Variants in SLIT3 observed in about 807,000 individuals in gnomAD.
The protein encoded by SLIT3 is slit homolog 3 protein.
Under a neutral mutation model 184.0 loss-of-function variants are expected in SLIT3, and 68 were observed. That is an observed-to-expected ratio of 0.37 (90% CI 0.30 to 0.45). The LOEUF is 0.45. SLIT3 is among the 20% of genes least tolerant of loss of function. The probability of loss-of-function intolerance (pLI) is 1.00; values close to 1 mark genes in which losing one functional copy is unlikely to be tolerated. For missense variants in SLIT3, 1,707 were observed against 2,026.0 expected (o/e 0.84, Z 3.02); for synonymous variants, 831 against 828.6 (o/e 1.00, Z -0.05).
chr5:168,897,587 GAC>G (rs1393870588), intron 4 of SLIT3, among the ~76,000 whole-genome samples: 1 of 149,200 alleles, frequency 6.7e-6, no homozygotes, highest in Non-Finnish European at 1.5e-5. Context: ...GAAAGGAAGA[GAC>G]ACACAGAGAA....
intron 4 of SLIT3, among the ~76,000 whole-genome samples, chr5:168,974,022 T>G (rs1232665758): frequency 6.6e-6 from 1 of 152,220 alleles, no homozygotes. Context: ...ATTCTCGTGT[T>G]GTTTGGAACA....
intron 4 of SLIT3, among the ~76,000 whole-genome samples, chr5:169,166,068 C>T (rs1762628283): frequency 6.6e-6 from 1 of 152,154 alleles, no homozygotes; most frequent in South Asian, 2.1e-4. Flanking sequence ...CAAGGTCACA[C>T]AGTAAAGATC....
chr5:168,775,559 G>A lies in SLIT3; in HGVS notation c.1152-1181C>T, dbSNP rs563115544. ...GTTTATTTCCCTCCTGGCACTCATC[G>A]CAATTTGTGATTATAGGATATCTAC... On this transcript the variant is annotated intron_variant, in intron 12 of 35. Coordinates refer to ENST00000519560, the MANE Select transcript of SLIT3 (RefSeq NM_003062.4). Among the ~76,000 whole-genome samples, 20 of 152,112 alleles carry A rather than the reference G, an allele frequency of 1.3e-4. No homozygotes were observed. The South Asian group carries it at 3.5e-3, about 27-fold the overall frequency.
chr5:168,702,314 C>T (rs1189972501), intron 26 of SLIT3, among the ~76,000 whole-genome samples: 1 of 152,186 alleles, frequency 6.6e-6, no homozygotes, highest in Non-Finnish European at 1.5e-5. Context: ...TGTTATTACA[C>T]TATTTTTACA....
intron 16 of SLIT3, among the ~76,000 whole-genome samples, chr5:168,759,369 A>G (rs73308213): frequency 0.081 from 12,287 of 152,288 alleles, 864 homozygotes; most frequent in African/African-American, 0.18. Flanking sequence ...TGGCTGATCC[A>G]TAATGTTGAA....
chr5:168,927,959 T>C (rs1467853275), intron 4 of SLIT3, among the ~76,000 whole-genome samples: 4 of 152,252 alleles, frequency 2.6e-5, no homozygotes, highest in African/African-American at 4.8e-5. Context: ...CTGCTTTATC[T>C]GGCTTAGTTT....
chr5:169,220,044 A>T (rs1764570205), intron 3 of SLIT3, among the ~76,000 whole-genome samples: 1 of 152,062 alleles, frequency 6.6e-6, no homozygotes, highest in South Asian at 2.1e-4. Flanking sequence ...AATGATGGGG[A>T]TCCTGTCCCA....
chr5:169,117,737 C>T (rs1443524985), intron 4 of SLIT3, among the ~76,000 whole-genome samples: 3 of 152,174 alleles, frequency 2.0e-5, no homozygotes, highest in African/African-American at 7.2e-5. Context: ...CCCTGCGACC[C>T]AAAGGGGTCT....
At chr5:169,226,348 C>G (rs563830489) in intron 3 of SLIT3, among the ~76,000 whole-genome samples, 2 of 152,026 alleles carry the variant, frequency 1.3e-5, no homozygotes, top group Non-Finnish European at 2.9e-5. Context: ...CTTTTCTTCC[C>G]CTGACCCTTC....
At chr5:168,866,816 G>A (rs567032588) in intron 5 of SLIT3, among the ~76,000 whole-genome samples, 7 of 152,318 alleles carry the variant, frequency 4.6e-5, no homozygotes, top group African/African-American at 1.7e-4. Context: ...AATGATATAA[G>A]AATAATAATT....
intron 4 of SLIT3, among the ~76,000 whole-genome samples, chr5:168,907,979 T>TATATAGAGAGAGAG (rs376418381): frequency 2.4e-3 from 119 of 50,034 alleles, no homozygotes; most frequent in Non-Finnish European, 3.1e-3. Flanking sequence ...TATATATATA[T>TATATAGAGAGAGAG]AGAGAGAGAG....
chr5:168,838,898 A>G (rs1758147999), intron 6 of SLIT3, among the ~76,000 whole-genome samples: 1 of 152,094 alleles, frequency 6.6e-6, no homozygotes, highest in African/African-American at 2.4e-5. Context: ...TCTCCTCTCT[A>G]AACGTGGGCT....
intron 5 of SLIT3, among the ~76,000 whole-genome samples, chr5:168,852,819 T>C (rs990569614): frequency 6.6e-6 from 1 of 152,224 alleles, no homozygotes; most frequent in Non-Finnish European, 1.5e-5. Context: ...CCCCTCAGTC[T>C]CAGTTGTAAA....
At chr5:168,884,268 C>G (rs968466321) in intron 4 of SLIT3, among the ~76,000 whole-genome samples, 1 of 151,730 alleles carries the variant, frequency 6.6e-6, no homozygotes, top group Non-Finnish European at 1.5e-5. Flanking sequence ...GCAAAACACT[C>G]ATGCCAGGCC....
intron 4 of SLIT3, among the ~76,000 whole-genome samples, chr5:169,145,578 G>T (rs891799323): frequency 1.3e-5 from 2 of 152,162 alleles, no homozygotes; most frequent in African/African-American, 4.8e-5. Flanking sequence ...CTTGTCACCC[G>T]TTAACAGAGC....
rs370319209 is a variant in SLIT3, at chr5:169,051,820, G to T, written c.413+141659C>A. Among the ~76,000 whole-genome samples the T allele has an allele frequency of 4.6e-5, 7 of 152,130 alleles. No individual in the cohort carries two copies. In the South Asian group the frequency reaches 1.2e-3, roughly 27 times the overall value. On this transcript the variant is annotated intron_variant, in intron 4 of 35. Coordinates refer to ENST00000519560, the MANE Select transcript of SLIT3 (RefSeq NM_003062.4). Reference sequence around the variant, plus strand: ...CTACAGCACTGGAGAGAGGGGGAGAGACAGAAAGAAAGGAAGAGAGTGAAA... The same window carrying T: ...CTACAGCACTGGAGAGAGGGGGAGATACAGAAAGAAAGGAAGAGAGTGAAA...
At chr5:168,731,878 A>G (rs1763299431) in intron 20 of SLIT3, among the ~76,000 whole-genome samples, 1 of 152,018 alleles carries the variant, frequency 6.6e-6, no homozygotes, top group African/African-American at 2.4e-5. Context: ...GATTCCCTCT[A>G]AGAATTGGAA....
intron 4 of SLIT3, among the ~76,000 whole-genome samples, chr5:169,032,648 C>T (rs1319582049): frequency 1.4e-5 from 2 of 145,312 alleles, no homozygotes; most frequent in South Asian, 2.3e-4. Context: ...GTCATGGAGT[C>T]GATCTGCTAG....
At chr5:169,085,980 C>T (rs1421312033) in intron 4 of SLIT3, among the ~76,000 whole-genome samples, 1 of 152,146 alleles carries the variant, frequency 6.6e-6, no homozygotes, top group Non-Finnish European at 1.5e-5. Context: ...CCCTTTACTC[C>T]ATGAGGGCTC....
Sources: gnomAD v4.1 joint callset for allele counts (sites outside exome capture counted in the v4.1 genomes callset) on GRCh38, gnomAD v4.1.1 for gene constraint, MANE v1.5 for transcripts, NCBI Gene and HGNC (gene_info 2026-07-23, HGNC 2026-07-21) for gene names.